ESR1: variants seen among roughly 807,000 people sequenced by gnomAD.
The protein encoded by ESR1 is estrogen receptor 1, also known as estrogen receptor.
A neutral mutation model predicts 52.7 loss-of-function variants in ESR1; 12 were observed. That is an observed-to-expected ratio of 0.23 (90% confidence interval 0.15 to 0.37). The LOEUF is 0.37. Among genes scored for constraint, ESR1 ranks in the 10% least tolerant of loss-of-function variants. ESR1 has a pLI of 1.00. For synonymous variants in ESR1, 305 were observed against 316.8 expected, an observed-to-expected ratio of 0.96 and a Z score of 0.39; for missense variants, 584 against 779.7, an observed-to-expected ratio of 0.75 and a Z score of 2.99.
rs984380691 is a variant in ESR1, at chr6:152,053,017, C to A, written c.1236-7974C>A. ...GAGGCTCCAGGCTCAGGCTACCTTCCCATATTCTCTGAAAATAATATCACA... is the reference window on the plus strand; with the variant it reads ...GAGGCTCCAGGCTCAGGCTACCTTCACATATTCTCTGAAAATAATATCACA... On this transcript the variant is annotated intron_variant, in intron 5 of 7. Transcript: ENST00000206249. The surrounding 1 kb of genome is among the most constrained non-coding windows in gnomAD (Gnocchi z 4.1). 1.3e-5 allele frequency among the ~76,000 whole-genome samples: 2 copies of A among 152,116 alleles called. No homozygotes were observed. The highest frequency in any genetic ancestry group is 2.9e-5 in the Non-Finnish European group (2 of 68,008).
intron 4 of ESR1, among the ~76,000 whole-genome samples, chr6:151,967,609 A>G (rs2038420231): frequency 6.6e-6 from 1 of 152,102 alleles, no homozygotes; most frequent in South Asian, 2.1e-4. Flanking sequence ...GTTGGTTCCA[A>G]GTCTTTGCTA....
intron 2 of ESR1, among the ~76,000 whole-genome samples, chr6:151,743,009 A>C (rs770361508): frequency 6.6e-6 from 1 of 152,210 alleles, no homozygotes; most frequent in Non-Finnish European, 1.5e-5. Context: ...GCTTATTAAA[A>C]TTGCAGATTT....
chr6:152,066,536 C>T (rs1381729176), intron 6 of ESR1, among the ~76,000 whole-genome samples: 1 of 152,210 alleles, frequency 6.6e-6, no homozygotes, highest in Non-Finnish European at 1.5e-5. Flanking sequence ...TCTGTTCTCT[C>T]TGGAGTCCTT....
intron 2 of ESR1, among the ~76,000 whole-genome samples, chr6:151,773,406 G>A (rs1785679588): frequency 6.6e-6 from 1 of 152,208 alleles, no homozygotes; most frequent in Admixed American, 6.5e-5. Flanking sequence ...CCACTTTGCG[G>A]TGCTTTGTTC....
chr6:151,834,341 A>G (rs1250580971), intron 1 of ESR1, among the ~76,000 whole-genome samples: 1 of 152,256 alleles, frequency 6.6e-6, no homozygotes, highest in Non-Finnish European at 1.5e-5. Context: ...AATGTGGCAC[A>G]TATACACCAT....
intron 2 of ESR1, among the ~76,000 whole-genome samples, chr6:151,742,478 A>G (rs572687089): frequency 2.6e-5 from 4 of 152,148 alleles, no homozygotes; most frequent in Non-Finnish European, 4.4e-5. Flanking sequence ...TTTCCCTTAC[A>G]TGTGCTGAAC....
chr6:151,706,595 T>C (rs1184537865), intron 2 of ESR1, among the ~76,000 whole-genome samples: 1 of 152,108 alleles, frequency 6.6e-6, no homozygotes, highest in Admixed American at 6.5e-5. Context: ...AGAGCAAAGC[T>C]TATTGGTTTT....
chr6:151,902,660 T>C (rs1037450137), intron 3 of ESR1, among the ~76,000 whole-genome samples: 1 of 152,240 alleles, frequency 6.6e-6, no homozygotes, highest in African/African-American at 2.4e-5. Flanking sequence ...TCTTCAGACC[T>C]TTGTCTCTTT....
chr6:151,783,615 T>A (rs1026091097), intron 2 of ESR1, among the ~76,000 whole-genome samples: 1 of 152,210 alleles, frequency 6.6e-6, no homozygotes, highest in African/African-American at 2.4e-5. Context: ...ATTTTAGATT[T>A]AAATTGGGAA....
Position 152,099,020 on chromosome 6 carries a change from T to G in ESR1, c.*54T>G. 6.8e-7 allele frequency: 1 copy of G among 1,477,288 alleles called. No homozygotes were observed. The highest frequency in any genetic ancestry group is 1.2e-5 in the South Asian group (1 of 86,820). 91.5% of individuals were successfully genotyped at this position (1,477,288 alleles called of 1,614,324 possible). ...TAATCCCTGCTGCATTTTACCCTCA[T>G]CATGCACCACTTTAGCCAAATTCTG... On this transcript the variant is annotated 3_prime_UTR_variant, in exon 8 of 8. Transcript: ENST00000206249.
At chr6:151,894,202 G>C (rs1341889638) in intron 3 of ESR1, among the ~76,000 whole-genome samples, 1 of 152,066 alleles carries the variant, frequency 6.6e-6, no homozygotes, top group South Asian at 2.1e-4. Context: ...CTTCTTTTGA[G>C]AACTGTCTAT....
intron 3 of ESR1, among the ~76,000 whole-genome samples, chr6:151,883,090 G>A (rs1232721358): frequency 6.6e-6 from 1 of 151,796 alleles, no homozygotes; most frequent in South Asian, 2.1e-4. Flanking sequence ...CATAATCAAA[G>A]TGCTGGAATA....
chr6:151,870,537 C>G (rs944901574), intron 2 of ESR1, among the ~76,000 whole-genome samples: 3 of 152,206 alleles, frequency 2.0e-5, no homozygotes, highest in Non-Finnish European at 2.9e-5. Flanking sequence ...ATGCGACAGA[C>G]CTGGATTTAA....
chr6:151,994,145 T>C (rs1485176743), intron 4 of ESR1, among the ~76,000 whole-genome samples: 1 of 152,138 alleles, frequency 6.6e-6, no homozygotes, highest in Non-Finnish European at 1.5e-5. Context: ...GCAGCCAGAT[T>C]AGTGACAAAA....
chr6:152,078,549 G>A (rs1225281010), intron 6 of ESR1, among the ~76,000 whole-genome samples: 4 of 152,136 alleles, frequency 2.6e-5, no homozygotes, highest in African/African-American at 7.2e-5. Flanking sequence ...AGCTCCCAGC[G>A]AGATCGAAGC....
intron 2 of ESR1, among the ~76,000 whole-genome samples, chr6:151,847,818 G>A (rs950834182): frequency 8.8e-5 from 13 of 148,380 alleles, no homozygotes; most frequent in African/African-American, 3.0e-4. Flanking sequence ...CCTTGCCCAC[G>A]CCTATGTCCT....
rs1797410408 is a variant in ESR1, at chr6:151,906,115, G to A, written c.760+25344G>A. ...GACAGTAAAATAAACTACTAAATTA[G>A]ACACACCATATTTTTTAAATTATAA... On this transcript the variant is annotated intron_variant, in intron 3 of 7. Transcript: ENST00000206249. Among the ~76,000 whole-genome samples, 3 of 151,996 alleles carry A rather than the reference G, an allele frequency of 2.0e-5. No homozygotes were observed. In the South Asian group the frequency reaches 6.2e-4, roughly 32 times the overall value.
At chr6:151,773,863 G>A (rs1187951526) in intron 2 of ESR1, among the ~76,000 whole-genome samples, 1 of 152,186 alleles carries the variant, frequency 6.6e-6, no homozygotes, top group Admixed American at 6.5e-5. Context: ...TGATTCCTAG[G>A]TCAATGTCTG....
At chr6:151,784,471 T>A (rs1786831313) in intron 2 of ESR1, among the ~76,000 whole-genome samples, 2 of 152,232 alleles carry the variant, frequency 1.3e-5, no homozygotes, top group Admixed American at 6.5e-5. Flanking sequence ...AAAATATTTT[T>A]AAATTTTCCT....
Sources: allele counts gnomAD v4.1 joint callset (sites outside exome capture counted in the v4.1 genomes callset), GRCh38; gene constraint gnomAD v4.1.1; non-coding constraint Gnocchi (gnomAD v3.1); transcripts MANE v1.5; gene names NCBI Gene and HGNC (gene_info 2026-07-23, HGNC 2026-07-21).